The following STARD13 variants were observed in gnomAD, a reference collection of about 807,000 sequenced individuals.
STARD13 encodes the protein stAR-related lipid transfer protein 13.
STARD13 carries 62 observed loss-of-function variants against 106.4 expected under a neutral mutation model. The ratio of observed to expected loss-of-function variants is 0.58; its 90% CI spans 0.48 to 0.72. STARD13 has a LOEUF of 0.72. STARD13 is among the 30% of genes least tolerant of loss of function. The probability of loss-of-function intolerance (pLI) is 0.00; values close to 1 mark genes in which losing one functional copy is unlikely to be tolerated. For missense variants in STARD13, 1,387 were observed against 1,424.0 expected, an observed-to-expected ratio of 0.97 and a Z score of 0.42; for synonymous variants, 565 against 553.0, an observed-to-expected ratio of 1.02 and a Z score of -0.31.
intron 1 of STARD13, among the ~76,000 whole-genome samples, chr13:33,181,894 A>T (rs1436626844): frequency 1.4e-5 from 2 of 146,584 alleles, no homozygotes; most frequent in African/African-American, 5.2e-5. Context: ...GTCTTGGAAG[A>T]AGAGTAGTGA....
At chr13:33,489,221 T>TA in the STARD13 span, among the ~76,000 whole-genome samples, 4 of 152,292 alleles carry the variant, frequency 2.6e-5, no homozygotes, top group African/African-American at 4.8e-5. Flanking sequence ...GAATTGCTAA[T>TA]AAAAAAAGAT....
At position 33,250,763 on chromosome 13, in the gene STARD13, T is replaced by C. The variant is rs377224105; in HGVS notation, c.169+34707A>G. Among the ~76,000 whole-genome samples the C allele has an allele frequency of 1.3e-3, 191 of 152,384 alleles. 4 individuals carry two copies. The South Asian group carries it at 0.034, about 27-fold the overall frequency. On this transcript the variant is annotated intron_variant, in intron 1 of 13. Transcript: ENST00000336934. ...TGTCTGTCAACCAGTACACTTGCTC[T>C]CTTCCTATGAAGCATCCCTTCCAGA...
chr13:33,353,881 G>T (rs150508655), upstream of STARD13, among the ~76,000 whole-genome samples: 1 of 152,304 alleles, frequency 6.6e-6, no homozygotes, highest in African/African-American at 2.4e-5. Context: ...TAAGAGCTGA[G>T]GCCCTGTCCG....
the STARD13 span, among the ~76,000 whole-genome samples, chr13:33,673,814 G>A: frequency 1.3e-5 from 2 of 151,818 alleles, no homozygotes; most frequent in African/African-American, 4.8e-5. Context: ...TGGAATTACA[G>A]GTGTGAGCCA....
chr13:33,375,361 A>G, the STARD13 span, among the ~76,000 whole-genome samples: 1 of 152,200 alleles, frequency 6.6e-6, no homozygotes, highest in Non-Finnish European at 1.5e-5. Context: ...GGAAAAGTAA[A>G]AAATGCTAAT....
At chr13:33,552,001 AATATT>A in the STARD13 span, among the ~76,000 whole-genome samples, 3 of 152,330 alleles carry the variant, frequency 2.0e-5, no homozygotes, top group African/African-American at 7.2e-5. Flanking sequence ...TGAATACACT[AATATT>A]AGACAAAATA....
At chr13:33,509,518 G>A in the STARD13 span, among the ~76,000 whole-genome samples, 2 of 152,214 alleles carry the variant, frequency 1.3e-5, no homozygotes, top group Non-Finnish European at 2.9e-5. Context: ...TTCCACCACT[G>A]AGGGGTGAGG....
chr13:33,509,175 C>T, the STARD13 span, among the ~76,000 whole-genome samples: 1 of 152,228 alleles, frequency 6.6e-6, no homozygotes, highest in East Asian at 1.9e-4. Flanking sequence ...AGGTTGTTGG[C>T]TACTTCTTTT....
At chr13:33,481,288 C>T in the STARD13 span, among the ~76,000 whole-genome samples, 1 of 151,950 alleles carries the variant, frequency 6.6e-6, no homozygotes, top group Non-Finnish European at 1.5e-5. Context: ...TGTATATTAC[C>T]ATTTGCAATT....
At chr13:33,375,484 A>G in the STARD13 span, among the ~76,000 whole-genome samples, 4 of 152,154 alleles carry the variant, frequency 2.6e-5, no homozygotes, top group Non-Finnish European at 1.5e-5. Context: ...CATACCTGAG[A>G]CTGGGTAGTT....
the STARD13 span, among the ~76,000 whole-genome samples, chr13:33,619,584 T>G: frequency 6.6e-6 from 1 of 152,106 alleles, no homozygotes; most frequent in Middle Eastern, 3.2e-3. Context: ...TAGCTGAAAG[T>G]ATAGGTGTAG....
At chr13:33,255,755 G>A (rs551331411) in intron 1 of STARD13, among the ~76,000 whole-genome samples, 166 of 152,220 alleles carry the variant, frequency 1.1e-3, no homozygotes, top group African/African-American at 3.8e-3. Flanking sequence ...GGGCAGGGAG[G>A]GGACGGCTCA....
chr13:33,665,922 G>C, the STARD13 span, among the ~76,000 whole-genome samples: 1 of 152,186 alleles, frequency 6.6e-6, no homozygotes, highest in African/African-American at 2.4e-5. Context: ...AGCTGGCTCA[G>C]TGTAAATTCT....
the STARD13 span, among the ~76,000 whole-genome samples, chr13:33,663,708 G>T: frequency 7.8e-4 from 118 of 152,220 alleles, no homozygotes; most frequent in Non-Finnish European, 1.4e-3. Flanking sequence ...AGTGTTCTAC[G>T]ACAGTCAGAA....
At chr13:33,307,229 A>G (rs1892943564) in intron 1 of STARD13, among the ~76,000 whole-genome samples, 1 of 152,344 alleles carries the variant, frequency 6.6e-6, no homozygotes. Flanking sequence ...TAGTTCAATC[A>G]TTGTGGAAGA....
intron 13 of STARD13, 80 bp from the exon 14 acceptor site, chr13:33,105,790 C>T: frequency 8.3e-7 from 1 of 1,211,986 alleles, no homozygotes; most frequent in Non-Finnish European, 1.2e-6. Context: ...ACAGGGCTGC[C>T]CTTGGGCCCC....
chr13:33,231,127 A>G (rs1449932638), intron 1 of STARD13, among the ~76,000 whole-genome samples: 1 of 152,228 alleles, frequency 6.6e-6, no homozygotes, highest in African/African-American at 2.4e-5. Flanking sequence ...AGTGAGTGAT[A>G]AAGGACAGTT....
chr13:33,352,873 T>C (rs1417740316), upstream of STARD13, among the ~76,000 whole-genome samples: 2 of 152,232 alleles, frequency 1.3e-5, no homozygotes, highest in African/African-American at 2.4e-5. Context: ...TGTTTCAAAG[T>C]TGAACCTTAG....
the STARD13 span, among the ~76,000 whole-genome samples, chr13:33,392,278 A>G: frequency 6.6e-6 from 1 of 152,062 alleles, no homozygotes; most frequent in African/African-American, 2.4e-5. Flanking sequence ...AGCAGGCTGG[A>G]TGTGTGGATG....
Sources: allele counts gnomAD v4.1 joint callset (sites outside exome capture counted in the v4.1 genomes callset), GRCh38; gene constraint gnomAD v4.1.1; transcripts MANE v1.5; gene names NCBI Gene and HGNC (gene_info 2026-07-23, HGNC 2026-07-21).